Variants in ITPR2 observed in about 807,000 individuals in gnomAD.
The protein encoded by ITPR2 is inositol 1,4,5-trisphosphate-gated calcium channel ITPR2.
A neutral mutation model predicts 317.1 loss-of-function variants in ITPR2; 207 were observed. That is an observed-to-expected ratio of 0.65 (90% CI 0.58 to 0.73). ITPR2 has a LOEUF of 0.73. Ranked by LOEUF, ITPR2 falls within the 30% of genes least tolerant of loss-of-function variation. The pLI is 0.00. For synonymous variants in ITPR2, 1,156 were observed against 1,149.1 expected (o/e 1.01, Z -0.12); for missense variants, 2,613 against 3,284.0 (o/e 0.80, Z 4.99).
At chr12:26,568,960 T>C (rs1945082162) in intron 34 of ITPR2, among the ~76,000 whole-genome samples, 1 of 152,184 alleles carries the variant, frequency 6.6e-6, no homozygotes, top group Non-Finnish European at 1.5e-5. Context: ...CACGTAATTT[T>C]TATGGGTTAT....
chr12:26,742,098 A>G (rs997656310), intron 2 of ITPR2, among the ~76,000 whole-genome samples: 4 of 152,188 alleles, frequency 2.6e-5, no homozygotes, highest in Non-Finnish European at 5.9e-5. Context: ...CTCTGAGAGG[A>G]CAGATAAAGA....
intron 55 of ITPR2, among the ~76,000 whole-genome samples, chr12:26,342,987 G>A (rs1397371639): frequency 2.6e-5 from 4 of 152,040 alleles, no homozygotes; most frequent in South Asian, 4.2e-4. Context: ...TATAAGCCAG[G>A]ATGCTTGGTT....
At position 26,516,300 on chromosome 12, in the gene ITPR2, A is replaced by AGGAAGGGAAG. The variant is rs1943508246; in HGVS notation, c.5074-21041_5074-21040insCTTCCCTTCC. Among the ~76,000 whole-genome samples, 55 of 67,406 alleles carry AGGAAGGGAAG rather than the reference A, an allele frequency of 8.2e-4. 2 individuals are homozygous for AGGAAGGGAAG. The highest frequency in any genetic ancestry group is 2.6e-3 in the African/African-American group (54 of 20,872). 44.2% of individuals were successfully genotyped at this position (67,406 alleles called of 152,430 possible). On this transcript the variant is annotated intron_variant, in intron 37 of 56. Coordinates refer to ENST00000381340, the MANE Select transcript of ITPR2 (RefSeq NM_002223.4). ...GGGAAGGGAAGGGAAAGGAAAGGAA[A>AGGAAGGGAAG]GGAAAGGAAAGGAAAGGAAAGGAAA... is the stretch of plus-strand genomic sequence containing the variant.
At chr12:26,780,550 A>C (rs1057000449) in intron 2 of ITPR2, among the ~76,000 whole-genome samples, 2 of 152,232 alleles carry the variant, frequency 1.3e-5, no homozygotes, top group Non-Finnish European at 2.9e-5. Flanking sequence ...ATCATCCTGA[A>C]GCAGCTGGAT....
chr12:26,432,898 C>T (rs1012130714), intron 48 of ITPR2, among the ~76,000 whole-genome samples: 1 of 152,142 alleles, frequency 6.6e-6, no homozygotes, highest in South Asian at 2.1e-4. Context: ...TTTAATCTCA[C>T]CCACCTCTAA....
intron 26 of ITPR2, among the ~76,000 whole-genome samples, chr12:26,614,110 T>C (rs1346258702): frequency 2.6e-5 from 4 of 151,946 alleles, no homozygotes; most frequent in Non-Finnish European, 4.4e-5. Context: ...ACAAAACAAC[T>C]AGATCTTAGA....
chr12:26,440,232 C>T (rs1941452965), intron 46 of ITPR2, among the ~76,000 whole-genome samples: 1 of 152,172 alleles, frequency 6.6e-6, no homozygotes, highest in African/African-American at 2.4e-5. Flanking sequence ...ACAACAACAA[C>T]AACAACAACC....
At chr12:26,776,980 A>G (rs12582081) in intron 2 of ITPR2, among the ~76,000 whole-genome samples, 55,713 of 152,118 alleles carry the variant, frequency 0.37, 12,697 homozygotes, top group Non-Finnish European at 0.53. Context: ...GAAATCTGAA[A>G]AACAGACATG....
chr12:26,762,970 T>G (rs1409113498), intron 2 of ITPR2, among the ~76,000 whole-genome samples: 2 of 152,240 alleles, frequency 1.3e-5, no homozygotes, highest in Non-Finnish European at 2.9e-5. Context: ...TAAAATAAAC[T>G]GTTATAACTA....
chr12:26,612,121 C>T (rs1946281993), intron 26 of ITPR2, among the ~76,000 whole-genome samples: 1 of 152,118 alleles, frequency 6.6e-6, no homozygotes, highest in Non-Finnish European at 1.5e-5. Context: ...GGATTATAAA[C>T]TGAGATTTGT....
chr12:26,540,689 T>C (rs1944234913), intron 37 of ITPR2, among the ~76,000 whole-genome samples: 1 of 152,156 alleles, frequency 6.6e-6, no homozygotes, highest in Admixed American at 6.6e-5. Context: ...GTAAAGTAAA[T>C]GTGAGGCACA....
chr12:26,686,625 C>T lies in ITPR2; in HGVS notation c.1004G>A (p.Gly335Glu), dbSNP rs1948132146. ...AQNEGKNVRD[G>E]VPPTSKKKRQ... ...TTTTTTCTTTGAAGTTGGAGGGACT[C>T]CATCTCTCTGTTGAGGAAGTACAAG... is the stretch of plus-strand genomic sequence containing the variant. Residue 335 changes from glycine (G) to glutamate (E), a missense_variant, in exon 11 of 57, where the codon GGA (glycine) becomes GAA (glutamate). Physicochemically the swap from Gly to Glu is moderately conservative, Grantham distance 98 (BLOSUM62 -2). Around this residue, in one of 9 missense-constraint regions of ITPR2, gnomAD observed 515 missense variants for 789.4 expected, o/e 0.65. Coordinates refer to ENST00000381340, the MANE Select transcript of ITPR2 (RefSeq NM_002223.4). The T allele has an allele frequency of 6.2e-7, 1 of 1,605,770 alleles. No homozygotes were observed. Among genetic ancestry groups the T allele is most frequent in the Non-Finnish European group, 8.5e-7 (1 of 1,176,688 alleles).
chr12:26,752,971 C>T (rs553067415), intron 2 of ITPR2, among the ~76,000 whole-genome samples: 27 of 152,212 alleles, frequency 1.8e-4, no homozygotes, highest in African/African-American at 1.7e-4. Flanking sequence ...ATCTTTCTGG[C>T]GAACCACAGA....
At chr12:26,479,579 T>C (rs1942499871) in intron 43 of ITPR2, among the ~76,000 whole-genome samples, 1 of 152,194 alleles carries the variant, frequency 6.6e-6, no homozygotes, top group Non-Finnish European at 1.5e-5. Context: ...ACAACAAAAA[T>C]TTTTCTAATA....
chr12:26,607,051 T>G (rs966001206), intron 26 of ITPR2, among the ~76,000 whole-genome samples: 1 of 152,240 alleles, frequency 6.6e-6, no homozygotes, highest in Non-Finnish European at 1.5e-5. Context: ...GCTGCCTACA[T>G]CTGCAGCTGC....
At chr12:26,807,795 A>G (rs1327549195) in intron 1 of ITPR2, among the ~76,000 whole-genome samples, 1 of 152,182 alleles carries the variant, frequency 6.6e-6, no homozygotes, top group East Asian at 1.9e-4. Flanking sequence ...ACCCCAAATT[A>G]AACTATTCAC....
At chr12:26,403,695 G>C (rs7959330) in intron 52 of ITPR2, among the ~76,000 whole-genome samples, 149,256 of 152,278 alleles carry the variant, frequency 0.98, 73,209 homozygotes, top group East Asian at 1. Context: ...AAACTGTACA[G>C]AGATAGAGGG....
chr12:26,480,457 T>C (rs1942521124), intron 43 of ITPR2, among the ~76,000 whole-genome samples: 1 of 152,216 alleles, frequency 6.6e-6, no homozygotes, highest in Non-Finnish European at 1.5e-5. Flanking sequence ...CTTTGTCTAA[T>C]TCCTTGTGTC....
intron 36 of ITPR2, among the ~76,000 whole-genome samples, chr12:26,555,137 C>A (rs1188319799): frequency 6.6e-6 from 1 of 152,204 alleles, no homozygotes; most frequent in Non-Finnish European, 1.5e-5. Flanking sequence ...CCCACCTATT[C>A]TTCAACATGA....
Sources: gnomAD v4.1 joint callset for allele counts (sites outside exome capture counted in the v4.1 genomes callset) on GRCh38, gnomAD v4.1.1 for gene constraint, gnomAD v4.1.1 regional missense constraint, MANE v1.5 for transcripts, NCBI Gene and HGNC (gene_info 2026-07-23, HGNC 2026-07-21) for gene names.